TENM3: variants seen among roughly 807,000 people sequenced by gnomAD.
The protein encoded by TENM3 is teneurin-3.
A neutral mutation model predicts 255.1 loss-of-function variants in TENM3; 63 were observed. The ratio of observed to expected loss-of-function variants is 0.25; its 90% CI spans 0.20 to 0.30. TENM3 has a LOEUF of 0.30. TENM3 is among the 10% of genes least tolerant of loss of function. TENM3 has a pLI of 1.00. For missense variants in TENM3, 2,929 were observed against 3,461.1 expected, an observed-to-expected ratio of 0.85 and a Z score of 3.86; for synonymous variants, 1,306 against 1,322.3, an observed-to-expected ratio of 0.99 and a Z score of 0.27.
chr4:181,889,209 T>C, the TENM3 span, among the ~76,000 whole-genome samples: 1 of 152,104 alleles, frequency 6.6e-6, no homozygotes, highest in South Asian at 2.1e-4. Flanking sequence ...GGATCCCTCA[T>C]GAGGGGCTTA....
At chr4:182,060,655 T>C in the TENM3 span, among the ~76,000 whole-genome samples, 1 of 152,128 alleles carries the variant, frequency 6.6e-6, no homozygotes, top group Non-Finnish European at 1.5e-5. Flanking sequence ...AAACAGATTT[T>C]CTATAGCAAA....
At chr4:182,689,685 C>A (rs76739205) in intron 12 of TENM3, among the ~76,000 whole-genome samples, 1 of 152,338 alleles carries the variant, frequency 6.6e-6, no homozygotes, top group East Asian at 1.9e-4. Context: ...CTTTTCCCAG[C>A]AGCGAAACGA....
chr4:182,277,101 C>A (rs1760054513), intron 1 of TENM3, among the ~76,000 whole-genome samples: 1 of 152,184 alleles, frequency 6.6e-6, no homozygotes, highest in African/African-American at 2.4e-5. Context: ...AACAGCTTTT[C>A]TGTGAGGTCA....
At chr4:181,787,285 T>C in the TENM3 span, among the ~76,000 whole-genome samples, 1 of 151,694 alleles carries the variant, frequency 6.6e-6, no homozygotes, top group Non-Finnish European at 1.5e-5. Context: ...CCTAAGGCCA[T>C]GCCAGGCAAG....
chr4:181,545,288 TAACA>T, the TENM3 span, among the ~76,000 whole-genome samples: 9 of 152,312 alleles, frequency 5.9e-5, no homozygotes, highest in East Asian at 1.7e-3. Flanking sequence ...TTCCCCTTTA[TAACA>T]AACAGTGCCT....
At chr4:182,335,519 A>AAT (rs1764075571) in intron 2 of TENM3, among the ~76,000 whole-genome samples, 1 of 144,882 alleles carries the variant, frequency 6.9e-6, no homozygotes, top group Non-Finnish European at 1.5e-5. Flanking sequence ...AAAAAAAAAA[A>AAT]GACGAAGCAT....
At chr4:181,527,007 G>C in the TENM3 span, among the ~76,000 whole-genome samples, 1 of 152,066 alleles carries the variant, frequency 6.6e-6, no homozygotes, top group Non-Finnish European at 1.5e-5. Flanking sequence ...GGTCCTCCTT[G>C]CTCAGTGACT....
chr4:182,023,515 T>C, the TENM3 span, among the ~76,000 whole-genome samples: 4 of 152,158 alleles, frequency 2.6e-5, no homozygotes, highest in Non-Finnish European at 5.9e-5. Flanking sequence ...ACCAGACAAA[T>C]TTTGAACATA....
chr4:182,618,023 A>C (rs963356305), intron 4 of TENM3, among the ~76,000 whole-genome samples: 2 of 152,160 alleles, frequency 1.3e-5, no homozygotes, highest in African/African-American at 4.8e-5. Context: ...TATCCTAATT[A>C]TTTGCTTTGT....
chr4:182,100,053 C>T, the TENM3 span, among the ~76,000 whole-genome samples: 5 of 152,030 alleles, frequency 3.3e-5, no homozygotes, highest in South Asian at 2.1e-4. Context: ...AGGTAAGTTA[C>T]GTACATTTCT....
At chr4:182,533,830 T>C (rs1740014499) in intron 3 of TENM3, among the ~76,000 whole-genome samples, 1 of 151,716 alleles carries the variant, frequency 6.6e-6, no homozygotes, top group South Asian at 2.1e-4. Context: ...AGAGAATTGC[T>C]TGAATGTGGG....
At chr4:182,244,109 A>C (rs868292740) in intron 1 of TENM3, among the ~76,000 whole-genome samples, 1 of 150,628 alleles carries the variant, frequency 6.6e-6, no homozygotes, top group Non-Finnish European at 1.5e-5. Context: ...GCCCGCCACC[A>C]CGCCCGGCTA....
the TENM3 span, among the ~76,000 whole-genome samples, chr4:182,072,951 T>C: frequency 6.6e-6 from 1 of 152,176 alleles, no homozygotes; most frequent in African/African-American, 2.4e-5. Flanking sequence ...GAAGCCCTAA[T>C]CCAATAGGAC....
chr4:181,552,318 A>G, the TENM3 span, among the ~76,000 whole-genome samples: 631 of 152,308 alleles, frequency 4.1e-3, 2 homozygotes, highest in Non-Finnish European at 7.6e-3. Flanking sequence ...GTCTATTGAG[A>G]AAAACAGATT....
intron 4 of TENM3, among the ~76,000 whole-genome samples, chr4:182,613,945 A>G (rs1314478758): frequency 2.0e-5 from 3 of 152,202 alleles, no homozygotes; most frequent in Non-Finnish European, 4.4e-5. Context: ...ATCACCTCCT[A>G]GTGTGAAAGT....
At chr4:181,952,160 T>C in the TENM3 span, among the ~76,000 whole-genome samples, 5 of 152,226 alleles carry the variant, frequency 3.3e-5, no homozygotes, top group East Asian at 9.6e-4. Flanking sequence ...ACTTTTACAT[T>C]GTTATAAAGC....
chr4:182,771,507 G>GGC (rs1764213865), intron 22 of TENM3, among the ~76,000 whole-genome samples: 1 of 147,584 alleles, frequency 6.8e-6, no homozygotes, highest in Admixed American at 6.9e-5. Context: ...ATGGGGGGGG[G>GGC]GGAAATAGTA....
chr4:181,901,303 T>A, the TENM3 span, among the ~76,000 whole-genome samples: 2 of 152,198 alleles, frequency 1.3e-5, no homozygotes, highest in Non-Finnish European at 2.9e-5. Flanking sequence ...CACGCCACCC[T>A]AGTAAGGATC....
intron 3 of TENM3, among the ~76,000 whole-genome samples, chr4:182,570,417 A>G (rs1744241826): frequency 6.6e-6 from 1 of 152,236 alleles, no homozygotes; most frequent in South Asian, 2.1e-4. Context: ...TCACATATTA[A>G]ATCATGTTCA....
Sources: gnomAD v4.1 joint callset for allele counts (sites outside exome capture counted in the v4.1 genomes callset) on GRCh38, gnomAD v4.1.1 for gene constraint, MANE v1.5 for transcripts, NCBI Gene and HGNC (gene_info 2026-07-23, HGNC 2026-07-21) for gene names.